WWOX: variants seen among roughly 807,000 people sequenced by gnomAD.
WWOX encodes the protein WW domain containing oxidoreductase.
Under a neutral mutation model 46.2 loss-of-function variants are expected in WWOX, and 69 were observed. That is an observed-to-expected ratio of 1.49 (90% CI 1.23 to 1.82). The LOEUF (loss-of-function observed/expected upper bound fraction) is 1.82, where lower values mean the gene tolerates loss of function less well. Ranked by LOEUF, WWOX falls within the 40% of genes most tolerant of loss-of-function variation. The pLI, the probability that WWOX is intolerant of heterozygous loss-of-function variation, is 0.00. For missense variants in WWOX, 919 were observed against 542.6 expected, an observed-to-expected ratio of 1.69 and a Z score of -6.89; for synonymous variants, 359 against 202.6, an observed-to-expected ratio of 1.77 and a Z score of -6.56.
intron 8 of WWOX, among the ~76,000 whole-genome samples, chr16:78,943,412 A>C (rs1370399223): frequency 6.6e-6 from 1 of 150,830 alleles, no homozygotes; most frequent in East Asian, 1.9e-4. Context: ...CCCAGGCCAG[A>C]TAACCCATCC....
chr16:78,457,602 C>T (rs78505029), intron 8 of WWOX, among the ~76,000 whole-genome samples: 3,085 of 152,010 alleles, frequency 0.02, 39 homozygotes, highest in African/African-American at 0.041. Flanking sequence ...GTGGGGGCTG[C>T]AGAGGACGCA....
chr16:78,643,085 A>G (rs1300416084), intron 8 of WWOX, among the ~76,000 whole-genome samples: 1 of 152,202 alleles, frequency 6.6e-6, no homozygotes, highest in Non-Finnish European at 1.5e-5. Flanking sequence ...AAGCCAAGAT[A>G]AGGTGCTCTC....
chr16:78,406,642 T>G (rs1165717648), intron 6 of WWOX, among the ~76,000 whole-genome samples: 1 of 149,736 alleles, frequency 6.7e-6, no homozygotes, highest in Admixed American at 6.7e-5. Flanking sequence ...TTTTTTTTTT[T>G]GAGAGATGGA....
chr16:78,799,513 A>G (rs565894006), intron 8 of WWOX, among the ~76,000 whole-genome samples: 1 of 152,180 alleles, frequency 6.6e-6, no homozygotes, highest in Non-Finnish European at 1.5e-5. Context: ...TATCGTCATC[A>G]CATGTCATTT....
intron 8 of WWOX, among the ~76,000 whole-genome samples, chr16:79,020,887 T>G (rs975596738): frequency 1.3e-5 from 2 of 152,154 alleles, no homozygotes; most frequent in African/African-American, 2.4e-5. Flanking sequence ...GCCTGCTGTT[T>G]ATAGATTTTT....
intron 8 of WWOX, among the ~76,000 whole-genome samples, chr16:78,789,750 G>C (rs1276478609): frequency 6.6e-6 from 1 of 152,056 alleles, no homozygotes. Context: ...AGCCACGGTT[G>C]GCCAGCTCCC....
intron 8 of WWOX, among the ~76,000 whole-genome samples, chr16:79,116,010 C>T (rs7186401): frequency 0.1 from 15,737 of 152,170 alleles, 1,345 homozygotes; most frequent in African/African-American, 0.24. Flanking sequence ...CCAGTGCATA[C>T]AAAAGTTGCT....
intron 8 of WWOX, among the ~76,000 whole-genome samples, chr16:78,802,664 C>G (rs932364373): frequency 5.3e-5 from 8 of 151,466 alleles, no homozygotes; most frequent in South Asian, 2.1e-4. Context: ...GCCTGTAATC[C>G]CAGCACTTTG....
intron 8 of WWOX, among the ~76,000 whole-genome samples, chr16:78,518,178 C>G (rs1022426681): frequency 3.3e-5 from 5 of 151,982 alleles, no homozygotes; most frequent in African/African-American, 1.2e-4. Context: ...TAAGTTGGGG[C>G]TTAATATGTG....
chr16:78,616,732 C>T (rs1047940379), intron 8 of WWOX, among the ~76,000 whole-genome samples: 4 of 151,886 alleles, frequency 2.6e-5, no homozygotes, highest in Non-Finnish European at 5.9e-5. Flanking sequence ...TGCCACTGCA[C>T]TCCTGTCTGG....
chr16:78,896,168 A>T (rs1056315451), intron 8 of WWOX: 6 of 152,152 alleles, frequency 3.9e-5, no homozygotes, highest in Admixed American at 3.9e-4. Context: ...GAAGAAATAA[A>T]GTGTGCTGAA....
At chr16:78,567,140 C>G (rs529454639) in intron 8 of WWOX, among the ~76,000 whole-genome samples, 7 of 152,316 alleles carry the variant, frequency 4.6e-5, no homozygotes, top group East Asian at 3.9e-4. Flanking sequence ...ATCACAAGCC[C>G]AACCCTGGTG....
chr16:78,417,040 G>GTGTGTGTGTGTGTGTGTGTGTGT (rs1555535317), intron 6 of WWOX, among the ~76,000 whole-genome samples: 5 of 151,264 alleles, frequency 3.3e-5, no homozygotes, highest in South Asian at 2.1e-4. Context: ...ACCCTTTGGG[G>GTGTGTGTGTGTGTGTGTGTGTGT]GTGTGTGTGT....
chr16:78,425,490 A>G (rs1017041608), intron 7 of WWOX, among the ~76,000 whole-genome samples: 1 of 152,228 alleles, frequency 6.6e-6, no homozygotes, highest in Non-Finnish European at 1.5e-5. Flanking sequence ...CGAGGCAGAC[A>G]TTAGCTGTGT....
chr16:78,563,917 A>G (rs770612277), intron 8 of WWOX, among the ~76,000 whole-genome samples: 2 of 152,208 alleles, frequency 1.3e-5, no homozygotes, highest in Admixed American at 6.5e-5. Context: ...GATTTGACCA[A>G]TGAGGCATTT....
intron 8 of WWOX, among the ~76,000 whole-genome samples, chr16:78,718,097 A>ATTTTT (rs2048610694): frequency 2.9e-5 from 2 of 68,344 alleles, no homozygotes; most frequent in Admixed American, 1.4e-4. Flanking sequence ...TGGTGGTTGT[A>ATTTTT]TTTTTGCCTC....
Position 79,133,405 on chromosome 16 carries a change from T to C in WWOX, c.1057-78203T>C, listed in dbSNP as rs115636579. On this transcript the variant is annotated intron_variant, in intron 8 of 8. Coordinates refer to ENST00000566780, the MANE Select transcript of WWOX (RefSeq NM_016373.4). ...ATGGGAGCAAAGATTGATGTCAATATAAACTATGACACACATTCATATTGC... is the reference window on the plus strand; with the variant it reads ...ATGGGAGCAAAGATTGATGTCAATACAAACTATGACACACATTCATATTGC... 9.1e-3 allele frequency among the ~76,000 whole-genome samples: 1,388 copies of C among 152,302 alleles called. 23 individuals carry two copies. Among genetic ancestry groups the C allele is most frequent in the African/African-American group, 0.032 (1,313 of 41,570 alleles).
At chr16:78,205,052 AC>A (rs1160218016) in intron 5 of WWOX, among the ~76,000 whole-genome samples, 1 of 152,244 alleles carries the variant, frequency 6.6e-6, no homozygotes, top group African/African-American at 2.4e-5. Context: ...GCAGACATGA[AC>A]ATGGGGCTTA....
chr16:78,406,890 T>C (rs1199643445), intron 6 of WWOX, among the ~76,000 whole-genome samples: 1 of 152,200 alleles, frequency 6.6e-6, no homozygotes, highest in African/African-American at 2.4e-5. Context: ...CCTCCCAAAG[T>C]GCTGGGATTA....
Sources: allele counts gnomAD v4.1 joint callset (sites outside exome capture counted in the v4.1 genomes callset), GRCh38; gene constraint gnomAD v4.1.1; transcripts MANE v1.5; gene names NCBI Gene and HGNC (gene_info 2026-07-23, HGNC 2026-07-21).